The following OR51B5 variants were observed in gnomAD, a reference collection of about 807,000 sequenced individuals.
The protein encoded by OR51B5 is olfactory receptor 51B5.
For missense variants in OR51B5, 456 were observed against 374.6 expected (o/e 1.22, Z -1.79); for synonymous variants, 186 against 144.8 (o/e 1.28, Z -2.04).
intron 1 of OR51B5, among the ~76,000 whole-genome samples, chr11:5,374,254 G>A (rs1029843508): frequency 6.6e-6 from 1 of 152,146 alleles, no homozygotes; most frequent in Non-Finnish European, 1.5e-5. Context: ...AACTCCAACA[G>A]ACCTGCAGCT....
At chr11:5,441,242 G>A in intron 1 of OR51B5, 1 of 1,613,978 alleles carries the variant, frequency 6.2e-7, no homozygotes, top group Non-Finnish European at 8.5e-7. Flanking sequence ...CAACATGGTT[G>A]TAGTTGAAGC....
intron 1 of OR51B5, among the ~76,000 whole-genome samples, chr11:5,401,903 T>C (rs530489648): frequency 2.1e-5 from 3 of 141,456 alleles, no homozygotes; most frequent in African/African-American, 2.9e-5. Flanking sequence ...TTCCTTCCTT[T>C]TCTTTCTCTC....
chr11:5,454,200 C>G lies in OR51B5; in HGVS notation n.84+51369G>C, dbSNP rs775317200. On this transcript the variant is annotated intron_variant and non_coding_transcript_variant, in intron 1 of 4. Coordinates refer to the OR51B5 transcript ENST00000415970. ...TTCCCGTGAGGAACGCCTCAAAGCTCTCAACACATGTGTGTCACATATCCT... is the reference window on the plus strand; with the variant it reads ...TTCCCGTGAGGAACGCCTCAAAGCTGTCAACACATGTGTGTCACATATCCT... The G allele has an allele frequency of 4.4e-6, 7 of 1,599,336 alleles. No individual in the cohort carries two copies. The Admixed American group carries it at 8.5e-5, about 19-fold the overall frequency.
At chr11:5,429,761 A>G (rs956051723) in intron 1 of OR51B5, among the ~76,000 whole-genome samples, 6 of 152,196 alleles carry the variant, frequency 3.9e-5, no homozygotes, top group African/African-American at 1.4e-4. Context: ...GAGGAAATAG[A>G]AAAAGGGTAT....
rs182625374 is a variant in OR51B5 at position 5,365,460 on chromosome 11, G to A, written n.85-18550C>T. ...GTGGAGAGATGCATTTAGATGAAAA[G>A]GTAACCCAATTCTGGTCTGCCAGTC... On this transcript the variant is annotated intron_variant and non_coding_transcript_variant, in intron 1 of 4. Coordinates refer to the OR51B5 transcript ENST00000415970. 5.4e-3 allele frequency among the ~76,000 whole-genome samples: 825 copies of A among 152,184 alleles called. 5 individuals carry two copies. The highest frequency in any genetic ancestry group is 8.8e-3 in the Non-Finnish European group (601 of 68,004).
intron 1 of OR51B5, among the ~76,000 whole-genome samples, chr11:5,450,903 T>G (rs558827024): frequency 1.2e-4 from 18 of 152,126 alleles, no homozygotes; most frequent in Non-Finnish European, 2.4e-4. Context: ...ATGACCTGCA[T>G]GCTCTGCACA....
At chr11:5,375,439 A>C (rs1356189627) in intron 1 of OR51B5, among the ~76,000 whole-genome samples, 1 of 127,670 alleles carries the variant, frequency 7.8e-6, no homozygotes, top group African/African-American at 2.9e-5. Flanking sequence ...CGAGCAAAAT[A>C]ACCAGCTATC....
chr11:5,425,752 C>A (rs1412327384), intron 1 of OR51B5, among the ~76,000 whole-genome samples: 2 of 151,960 alleles, frequency 1.3e-5, no homozygotes, highest in Admixed American at 6.6e-5. Flanking sequence ...ATCTTATTGA[C>A]CCTCTGTAAA....
chr11:5,475,442 C>G (rs1194949104), intron 1 of OR51B5, among the ~76,000 whole-genome samples: 2 of 152,136 alleles, frequency 1.3e-5, no homozygotes, highest in Admixed American at 1.3e-4. Flanking sequence ...GTCCTGGAAG[C>G]TTTTCCCCAT....
intron 1 of OR51B5, among the ~76,000 whole-genome samples, chr11:5,453,011 CTCAT>C (rs1850881341): frequency 7.3e-6 from 1 of 136,496 alleles, no homozygotes; most frequent in South Asian, 2.1e-4. Context: ...GGGAAAGTCT[CTCAT>C]TAATTTGTGA....
chr11:5,423,612 T>C (rs1333523804), intron 1 of OR51B5, among the ~76,000 whole-genome samples: 1 of 152,180 alleles, frequency 6.6e-6, no homozygotes, highest in Admixed American at 6.5e-5. Context: ...GACTTTCCTT[T>C]GCAAAGGAAT....
chr11:5,418,429 A>T (rs529880865), intron 1 of OR51B5, among the ~76,000 whole-genome samples: 1 of 132,644 alleles, frequency 7.5e-6, no homozygotes, highest in South Asian at 2.2e-4. Flanking sequence ...AAACAAAACA[A>T]AACAAAAAGA....
chr11:5,363,071 A>T (rs1849309599), intron 1 of OR51B5, among the ~76,000 whole-genome samples: 1 of 151,966 alleles, frequency 6.6e-6, no homozygotes, highest in Admixed American at 6.6e-5. Flanking sequence ...AAAATGTGCT[A>T]AGTAGATGTC....
upstream of OR51B5, among the ~76,000 whole-genome samples, chr11:5,345,433 C>T (rs1848976456): frequency 6.6e-6 from 1 of 151,910 alleles, no homozygotes; most frequent in East Asian, 1.9e-4. Context: ...CCAAGATTTG[C>T]TGATATATTA....
intron 1 of OR51B5, among the ~76,000 whole-genome samples, chr11:5,414,267 G>C (rs1850198497): frequency 6.6e-6 from 1 of 151,180 alleles, no homozygotes; most frequent in South Asian, 2.1e-4. Context: ...TGCCCTAGAA[G>C]AGCTCCTGAA....
At chr11:5,406,180 T>C (rs1850055631) in intron 1 of OR51B5, among the ~76,000 whole-genome samples, 1 of 152,234 alleles carries the variant, frequency 6.6e-6, no homozygotes, top group South Asian at 2.1e-4. Flanking sequence ...TTCTTAAATA[T>C]TATTGCTATA....
chr11:5,345,924 G>A (rs1187340932), upstream of OR51B5: 3 of 152,094 alleles, frequency 2.0e-5, no homozygotes, highest in African/African-American at 7.2e-5. Flanking sequence ...CCAGAATTCA[G>A]TGCCTACTGA....
intron 1 of OR51B5, among the ~76,000 whole-genome samples, chr11:5,399,732 T>C (rs1277911629): frequency 1.4e-5 from 2 of 146,520 alleles, no homozygotes; most frequent in African/African-American, 5.1e-5. Context: ...TATCTGGCGG[T>C]AGAGACTCTG....
At chr11:5,423,898 T>C (rs1850399593) in intron 1 of OR51B5, among the ~76,000 whole-genome samples, 1 of 151,838 alleles carries the variant, frequency 6.6e-6, no homozygotes, top group Non-Finnish European at 1.5e-5. Context: ...GAAAAACTCA[T>C]TTTTTTTCCG....
Sources: gnomAD v4.1 joint callset for allele counts (sites outside exome capture counted in the v4.1 genomes callset) on GRCh38, gnomAD v4.1.1 for gene constraint, MANE v1.5 for transcripts, NCBI Gene and HGNC (gene_info 2026-07-23, HGNC 2026-07-21) for gene names.